Variants in ABL2 observed in about 807,000 individuals in gnomAD.
ABL2 encodes the protein ABL proto-oncogene 2, non-receptor tyrosine kinase.
ABL2 carries 49 observed loss-of-function variants against 107.7 expected under a neutral mutation model. The observed-to-expected ratio is 0.45, with a 90% CI of 0.36 to 0.58. The LOEUF is 0.58. Among genes scored for constraint, ABL2 ranks in the 20% least tolerant of loss-of-function variants. The pLI is 0.00. For missense variants in ABL2, 1,245 were observed against 1,457.0 expected (o/e 0.85, Z 2.37); for synonymous variants, 549 against 548.6 (o/e 1.00, Z -0.01).
chr1:179,196,967 T>G (rs1032300076), intron 1 of ABL2, among the ~76,000 whole-genome samples: 1 of 152,196 alleles, frequency 6.6e-6, no homozygotes, highest in Non-Finnish European at 1.5e-5. Flanking sequence ...AATAGCAGAT[T>G]AGCTCAGCTA....
intron 1 of ABL2, among the ~76,000 whole-genome samples, chr1:179,198,807 T>C (rs1182551373): frequency 2.0e-5 from 3 of 150,364 alleles, no homozygotes; most frequent in East Asian, 2.0e-4. Flanking sequence ...GGAATGCTAA[T>C]AGGGTATCAT....
chr1:179,129,173 C>T (rs1656035681), intron 3 of ABL2, among the ~76,000 whole-genome samples: 1 of 152,136 alleles, frequency 6.6e-6, no homozygotes, highest in Non-Finnish European at 1.5e-5. Context: ...AGAGAAACCA[C>T]TGTTGGTCAT....
intron 1 of ABL2, among the ~76,000 whole-genome samples, chr1:179,138,987 T>C (rs1657310597): frequency 6.6e-6 from 1 of 152,216 alleles, no homozygotes; most frequent in African/African-American, 2.4e-5. Flanking sequence ...ACTTAGCACC[T>C]GGGCCAGCGG....
chr1:179,133,160 C>A (rs1656508848), intron 2 of ABL2, 152 bp downstream of exon 2: 1 of 1,350,052 alleles, frequency 7.4e-7, no homozygotes, highest in Non-Finnish European at 1.0e-6. Flanking sequence ...CCCAGCCAGG[C>A]CAACTTATTT....
chr1:179,109,277 T>G lies in ABL2; in HGVS notation c.1990A>C (p.Thr664Pro). The G allele has an allele frequency of 1.9e-6, 3 of 1,613,970 alleles. No homozygotes were observed. Among genetic ancestry groups the G allele is most frequent in the Non-Finnish European group, 2.5e-6 (3 of 1,179,986 alleles). Residue 664 changes from threonine (T) to proline (P), a missense_variant, in exon 12 of 12, where the codon ACA becomes CCA. Coordinates refer to ENST00000502732, the MANE Select transcript of ABL2 (RefSeq NM_007314.4). ...SSFMKKRNAP[T>P]PPKRSSSFRE... ...AAGGAGCTGCTGCGTTTGGGGGGTGTAGGAGCATTTCTCTTCTTCATGAAG... is the reference window on the plus strand; with the variant it reads ...AAGGAGCTGCTGCGTTTGGGGGGTGGAGGAGCATTTCTCTTCTTCATGAAG...
In ABL2 at chr1:179,099,517, C is replaced by T. The variant is rs1652923569; in HGVS notation, c.*8201G>A. 8.9e-6 allele frequency: 2 copies of T among 224,016 alleles called. No individual in the cohort carries two copies. The highest frequency in any genetic ancestry group is 1.8e-4 in the South Asian group (1 of 5,452). The allele number at this position is 224,016 out of a possible 1,614,324, so 13.9% of individuals were successfully genotyped here. A position where few individuals can be genotyped will look rare whatever the true frequency, so the allele number is the denominator to read the frequency against. On this transcript the variant is annotated 3_prime_UTR_variant, in exon 12 of 12. Transcript: ENST00000502732. ...TAGAAAAACAACTGAAAATATATTA[C>T]AATAACAATTAAGAACAAATACCTG...
intron 7 of ABL2, 51 bp downstream of exon 7, chr1:179,118,536 G>A: frequency 6.5e-7 from 1 of 1,539,994 alleles, no homozygotes; most frequent in Non-Finnish European, 8.9e-7. Flanking sequence ...CCTTTTATCT[G>A]CATGTCAAGC....
At chr1:179,120,575 C>T (rs933496306) in intron 5 of ABL2, among the ~76,000 whole-genome samples, 1 of 152,096 alleles carries the variant, frequency 6.6e-6, no homozygotes, top group Non-Finnish European at 1.5e-5. Context: ...CAGGCATGCA[C>T]GACCATGCCT....
Position 179,114,865 on chromosome 1 carries a change from C to A in ABL2, c.1561+13G>T, listed in dbSNP as rs1654469123. On this transcript the variant is annotated intron_variant, in intron 9 of 11. Coordinates refer to ENST00000502732, the MANE Select transcript of ABL2 (RefSeq NM_007314.4). ...CTTATGCCTTCAAAATTAAAACATG[C>A]AAAAATACTCACATGCTCTCATAAG... 5 of 1,573,904 alleles carry A rather than the reference C, an allele frequency of 3.2e-6. No homozygotes were observed. The African/African-American group carries it at 5.4e-5, about 17-fold the overall frequency.
At chr1:179,204,065 C>T (rs913864071) in intron 1 of ABL2, among the ~76,000 whole-genome samples, 7 of 152,206 alleles carry the variant, frequency 4.6e-5, no homozygotes, top group Admixed American at 2.0e-4. Flanking sequence ...CTCGCTCTGT[C>T]GCCCAGGCTG....
intron 1 of ABL2, 110 bp from the exon 2 acceptor site, chr1:179,133,484 C>A: frequency 6.5e-7 from 1 of 1,549,240 alleles, no homozygotes; most frequent in Non-Finnish European, 8.8e-7. Context: ...ATGATCAGGT[C>A]TCTACCTACT....
At chr1:179,170,829 A>AGGTGATCT (rs973548877) in intron 1 of ABL2, among the ~76,000 whole-genome samples, 3 of 152,126 alleles carry the variant, frequency 2.0e-5, no homozygotes, top group Non-Finnish European at 2.9e-5. Flanking sequence ...TCCTGACCTC[A>AGGTGATCT]GGTGATCTGC....
chr1:179,170,127 A>C (rs1659634798), intron 1 of ABL2, among the ~76,000 whole-genome samples: 1 of 152,172 alleles, frequency 6.6e-6, no homozygotes, highest in East Asian at 1.9e-4. Flanking sequence ...GGTGAAGGTC[A>C]TCCCATGGCA....
chr1:179,126,971 A>G lies in ABL2; in HGVS notation c.392-299T>C, dbSNP rs796504849. ...ATCCTTAAGAAATTCTATGTATGCC[A>G]GACAGGTTACTAAAATGGCTGGAAA... On this transcript the variant is annotated intron_variant, in intron 3 of 11. Transcript: ENST00000502732. The surrounding 1 kb of genome is among the most constrained non-coding windows in gnomAD (Gnocchi z 4.4). 2.6e-5 allele frequency among the ~76,000 whole-genome samples: 4 copies of G among 152,320 alleles called. No individual in the cohort carries two copies. Among genetic ancestry groups the G allele is most frequent in the African/African-American group, 9.6e-5 (4 of 41,570 alleles).
chr1:179,109,181 G>A lies in ABL2; in HGVS notation c.2086C>T (p.Gln696Ter), dbSNP rs1389131445. 6.2e-7 allele frequency: 1 copy of A among 1,614,024 alleles called. No homozygotes were observed. ...GTGAAAGAGAACCCATCAGCATGCT[G>A]TAGAGAAGCAACAGATGAGAAGTTA... ...TGNFSSVASL[Q>*]HADGFSFTPA... is the part of the protein sequence containing the mutation. The change falls in exon 12 of 12, where the codon CAG (glutamine) becomes TAG (stop). Residue 696 changes from glutamine (Q) to a stop codon, truncating the protein, a stop_gained. Transcript: ENST00000502732. LOFTEE classifies it high-confidence loss of function.
chr1:179,128,016 CAG>C (rs1215545679), intron 3 of ABL2, among the ~76,000 whole-genome samples: 1 of 131,728 alleles, frequency 7.6e-6, no homozygotes, highest in African/African-American at 2.9e-5. Context: ...GCCTGGGAGA[CAG>C]AGTGAGACTG....
intron 1 of ABL2, among the ~76,000 whole-genome samples, chr1:179,188,673 G>A (rs559075686): frequency 2.0e-5 from 3 of 152,200 alleles, no homozygotes; most frequent in Admixed American, 6.5e-5. Context: ...CTGTCTCCAC[G>A]CACTATAATG....
At position 179,126,621 on chromosome 1, in the gene ABL2, A is replaced by ATT. The variant is rs773132486; in HGVS notation, c.442_443insAA (p.Val148GlufsTer19). 6.2e-7 allele frequency: 1 copy of ATT among 1,614,152 alleles called. No homozygotes were observed. On this transcript the variant is annotated frameshift_variant, in exon 4 of 12. Transcript: ENST00000502732. LOFTEE classifies it high-confidence loss of function. The surrounding 1 kb of genome is among the most constrained non-coding windows in gnomAD (Gnocchi z 4.4). ...CCAGCCCTGCCCATTCTTAGAGCGA[A>ATT]CTTCACTCCACTCACCATTCTGGTT...
intron 1 of ABL2, among the ~76,000 whole-genome samples, chr1:179,136,085 G>C (rs1656927479): frequency 3.3e-5 from 4 of 121,726 alleles, no homozygotes; most frequent in Admixed American, 1.5e-4. Context: ...GGAGGGAGGT[G>C]GGGGGGGTCA....
Sources: gnomAD v4.1 joint callset for allele counts (sites outside exome capture counted in the v4.1 genomes callset) on GRCh38, gnomAD v4.1.1 for gene constraint, Gnocchi (gnomAD v3.1) non-coding constraint, MANE v1.5 for transcripts, NCBI Gene and HGNC (gene_info 2026-07-23, HGNC 2026-07-21) for gene names.